The following DGLUCY variants were observed in gnomAD, a reference collection of about 807,000 sequenced individuals.
The protein encoded by DGLUCY is D-glutamate cyclase, mitochondrial.
A neutral mutation model predicts 58.5 loss-of-function variants in DGLUCY; 58 were observed. The observed-to-expected ratio is 0.99, with a 90% CI of 0.80 to 1.23. The LOEUF (loss-of-function observed/expected upper bound fraction) is 1.23, where lower values mean the gene tolerates loss of function less well. Among genes scored for constraint, DGLUCY ranks in the 50% most tolerant of loss-of-function variants. The probability of loss-of-function intolerance (pLI) is 0.00; values close to 1 mark genes in which losing one functional copy is unlikely to be tolerated. For synonymous variants in DGLUCY, 325 were observed against 314.1 expected (o/e 1.03, Z -0.37); for missense variants, 779 against 784.7 (o/e 0.99, Z 0.09).
intron 11 of DGLUCY, among the ~76,000 whole-genome samples, chr14:91,204,496 A>G (rs1037627667): frequency 6.6e-6 from 1 of 152,208 alleles, no homozygotes; most frequent in Non-Finnish European, 1.5e-5. Context: ...CCCACACTGT[A>G]GTGTGTTCCA....
At chr14:91,221,542 TGGATGGAG>T (rs946978737) in intron 13 of DGLUCY, among the ~76,000 whole-genome samples, 27 of 151,072 alleles carry the variant, frequency 1.8e-4, no homozygotes, top group East Asian at 1.4e-3. Context: ...GGTAGGTGGG[TGGATGGAG>T]GGATGGAGGG....
rs1009263745 is a variant in DGLUCY at position 91,072,653 on chromosome 14, CA to C, written c.-82+11960del. On this transcript the variant is annotated intron_variant, in intron 1 of 4. Coordinates refer to the DGLUCY transcript ENST00000521334. ...TTCCAGAAAGTGAGATTTGAGACAC[CA>C]AAAAAAAAAACAAAAAACAAAACTT... is the stretch of plus-strand genomic sequence containing the variant. Among the ~76,000 whole-genome samples, 176 of 121,722 alleles carry C rather than the reference CA, an allele frequency of 1.4e-3. 2 individuals carry two copies. Among genetic ancestry groups the C allele is most frequent in the African/African-American group, 3.7e-3 (118 of 31,990 alleles). 79.9% of individuals were successfully genotyped at this position (121,722 alleles called of 152,430 possible).
intron 7 of DGLUCY, among the ~76,000 whole-genome samples, chr14:91,180,605 G>A (rs2049120781): frequency 6.7e-6 from 1 of 149,778 alleles, no homozygotes; most frequent in South Asian, 2.1e-4. Flanking sequence ...AGTCAATAAA[G>A]TCACATCTCA....
Position 91,181,342 on chromosome 14 carries a change from C to T in DGLUCY, c.887C>T (p.Ala296Val), listed in dbSNP as rs1278245669. ...CACTACAGCATCGCGTCAGTCTCTG[C>T]TTCTCAGAAGATCAGAGAACTAGAG... ...PLHYSIASVS[A>V]SQKIRELESM... Residue 296 changes from alanine to valine, a missense_variant, in exon 8 of 14, where the codon GCT (alanine) becomes GTT (valine). By Grantham distance (64) the Ala-to-Val change is moderately conservative. Transcript: ENST00000256324. 1 of 1,614,126 alleles carries T rather than the reference C, an allele frequency of 6.2e-7. No homozygotes were observed. Among genetic ancestry groups the T allele is most frequent in the Admixed American group, 1.7e-5 (1 of 60,032 alleles).
chr14:91,140,162 GT>G (rs1200693989), intron 1 of DGLUCY, among the ~76,000 whole-genome samples: 2 of 152,158 alleles, frequency 1.3e-5, no homozygotes, highest in East Asian at 3.8e-4. Flanking sequence ...TCAAGTTTTT[GT>G]TTTTCCTTCA....
chr14:91,140,536 T>C (rs1241909867), intron 1 of DGLUCY, among the ~76,000 whole-genome samples: 2 of 152,114 alleles, frequency 1.3e-5, no homozygotes, highest in African/African-American at 4.8e-5. Context: ...CCAGGCATGA[T>C]GGCACATGCC....
chr14:91,136,185 G>A (rs901357497), intron 1 of DGLUCY, among the ~76,000 whole-genome samples: 9 of 151,386 alleles, frequency 5.9e-5, no homozygotes, highest in African/African-American at 1.9e-4. Context: ...CACCTGCCTC[G>A]GCCTCCCAAA....
chr14:91,215,363 A>C (rs1339340504), intron 12 of DGLUCY, 42 bp from the exon 13 acceptor site: 1 of 1,567,308 alleles, frequency 6.4e-7, no homozygotes, highest in Non-Finnish European at 8.7e-7. Flanking sequence ...CAGACACATG[A>C]CTTTTCCAAC....
At chr14:91,070,710 ACATAAT>A (rs2043900871) in intron 1 of DGLUCY, among the ~76,000 whole-genome samples, 1 of 152,216 alleles carries the variant, frequency 6.6e-6, no homozygotes, top group Non-Finnish European at 1.5e-5. Flanking sequence ...AAAGAAATAA[ACATAAT>A]CATAAACATT....
rs773123482 is a variant in DGLUCY, at chr14:91,170,058, G to C, written c.313G>C (p.Ala105Pro). ...GTTCGGTGCCTGCACCGGCAGCCTGGCTTCGCTGGAGCAGTACTCGGAGCA... is the reference window on the plus strand; with the variant it reads ...GTTCGGTGCCTGCACCGGCAGCCTGCCTTCGCTGGAGCAGTACTCGGAGCA... The part of the protein sequence containing the change: ...YEFGACTGSL[A>P]SLEQYSEQLK... The change falls in exon 5 of 14, where the codon GCT (alanine) becomes CCT (proline). Residue 105 changes from alanine (A) to proline (P), a missense_variant. Coordinates refer to ENST00000256324, the MANE Select transcript of DGLUCY (RefSeq NM_001102368.3). The C allele has an allele frequency of 1.2e-6, 2 of 1,612,414 alleles. No individual in the cohort carries two copies. The highest frequency in any genetic ancestry group is 2.2e-5 in the South Asian group (2 of 91,000).
At chr14:91,159,908 G>A (rs2047879936) in intron 2 of DGLUCY, among the ~76,000 whole-genome samples, 1 of 152,184 alleles carries the variant, frequency 6.6e-6, no homozygotes, top group African/African-American at 2.4e-5. Flanking sequence ...AGGGAGAGAA[G>A]GGAGTTCAGA....
At chr14:91,064,673 G>GCTA in intron 1 of DGLUCY, among the ~76,000 whole-genome samples, 1 of 151,648 alleles carries the variant, frequency 6.6e-6, no homozygotes, top group South Asian at 2.1e-4. Context: ...AGAAGGTGGA[G>GCTA]CTAGAGGTAG....
chr14:91,220,262 G>T (rs907327724), intron 13 of DGLUCY, among the ~76,000 whole-genome samples: 1 of 152,228 alleles, frequency 6.6e-6, no homozygotes, highest in Non-Finnish European at 1.5e-5. Flanking sequence ...CGGTCTCCTC[G>T]AGTGGGGCCG....
At chr14:91,107,978 A>G (rs2044619680), upstream of DGLUCY, 1 of 152,532 alleles carries the variant, frequency 6.6e-6, no homozygotes, top group Admixed American at 6.5e-5. Context: ...TTGAAAGGCA[A>G]TAAGAATGAG....
chr14:91,217,436 C>T (rs1336962127), intron 13 of DGLUCY, among the ~76,000 whole-genome samples: 1 of 151,712 alleles, frequency 6.6e-6, no homozygotes, highest in African/African-American at 2.4e-5. Context: ...GCCCGATAGC[C>T]TCCCAACGTC....
At chr14:91,138,838 G>C (rs1431739155) in intron 1 of DGLUCY, among the ~76,000 whole-genome samples, 1 of 152,130 alleles carries the variant, frequency 6.6e-6, no homozygotes, top group Non-Finnish European at 1.5e-5. Flanking sequence ...CACAGAGCCA[G>C]ACCATATCAG....
chr14:91,184,583 G>A (rs1052792128), intron 8 of DGLUCY, among the ~76,000 whole-genome samples: 8 of 123,306 alleles, frequency 6.5e-5, no homozygotes, highest in African/African-American at 2.6e-4. Flanking sequence ...AAGTTGGGGG[G>A]GGGGAGGGAG....
At chr14:91,221,571 AATAGATGGATGC>A (rs941451542) in intron 13 of DGLUCY, among the ~76,000 whole-genome samples, 16 of 150,532 alleles carry the variant, frequency 1.1e-4, no homozygotes, top group African/African-American at 3.4e-4. Flanking sequence ...ATGGATGGAT[AATAGATGGATGC>A]ATAGATGGAT....
chr14:91,103,091 A>G (rs542382523), upstream of DGLUCY, among the ~76,000 whole-genome samples: 2 of 151,948 alleles, frequency 1.3e-5, no homozygotes, highest in East Asian at 3.9e-4. Context: ...TGAAAGTGCA[A>G]AGATACCCCC....
Sources: gnomAD v4.1 joint callset for allele counts (sites outside exome capture counted in the v4.1 genomes callset) on GRCh38, gnomAD v4.1.1 for gene constraint, MANE v1.5 for transcripts, NCBI Gene and HGNC (gene_info 2026-07-23, HGNC 2026-07-21) for gene names.